Variants in PRMT8 observed in about 807,000 individuals in gnomAD.
PRMT8 encodes protein arginine N-methyltransferase 8.
In PRMT8, 7 loss-of-function variants were observed where a neutral mutation model predicts 47.1. The observed-to-expected ratio is 0.15, with a 90% CI of 0.08 to 0.28. PRMT8 has a LOEUF of 0.28. PRMT8 is among the 10% of genes least tolerant of loss of function. PRMT8 has a pLI of 1.00. For synonymous variants in PRMT8, 188 were observed against 186.5 expected (o/e 1.01, Z -0.07); for missense variants, 237 against 505.4 (o/e 0.47, Z 5.09).
upstream of PRMT8, among the ~76,000 whole-genome samples, chr12:3,490,477 G>A (rs1865368520): frequency 6.7e-6 from 1 of 150,284 alleles, no homozygotes; most frequent in Non-Finnish European, 1.5e-5. Context: ...AAAATCTGGC[G>A]ATGGTGGGGG....
rs71061115 is a variant in PRMT8, at chr12:3,451,033, A to ACCCCCCCCCC, written c.48+69604_48+69613dup. Among the ~76,000 whole-genome samples the ACCCCCCCCCC allele has an allele frequency of 1.5e-3, 38 of 26,122 alleles. 16 individuals are homozygous for ACCCCCCCCCC. The highest frequency in any genetic ancestry group is 1.6e-3 in the Non-Finnish European group (24 of 15,064). The allele number at this position is 26,122 out of a possible 152,430, so 17.1% of individuals were successfully genotyped here. ...TGAAAGCAGTTTTGATCTTGCTGAC[A>ACCCCCCCCCC]CCCCCCCCCCCCCCCCCCCCCCGCC... On this transcript the variant is annotated intron_variant, in intron 1 of 9. Coordinates refer to the PRMT8 transcript ENST00000452611.
chr12:3,447,413 T>C (rs1026328073), intron 1 of PRMT8, among the ~76,000 whole-genome samples: 2 of 152,196 alleles, frequency 1.3e-5, no homozygotes, highest in African/African-American at 2.4e-5. Flanking sequence ...TTTCCTGTCT[T>C]CTTCAAATAC....
chr12:3,574,646 T>A (rs1866906917), intron 6 of PRMT8, among the ~76,000 whole-genome samples: 1 of 152,266 alleles, frequency 6.6e-6, no homozygotes, highest in South Asian at 2.1e-4. Flanking sequence ...TCACATTTAA[T>A]CCTCATAGCA....
Position 3,494,082 on chromosome 12 carries a change from G to C in PRMT8, c.75+2382G>C, listed in dbSNP as rs1431310662. On this transcript the variant is annotated intron_variant, in intron 1 of 9. Transcript: ENST00000382622. The stretch of plus-strand genomic sequence containing the variant: ...GTGTTGTGGACTTGCCTGCATTTAT[G>C]GTAGATGAGAGCGGCAGGAGCACGC... Among the ~76,000 whole-genome samples, 3 of 152,188 alleles carry C rather than the reference G, an allele frequency of 2.0e-5. No individual in the cohort carries two copies. In the East Asian group the frequency reaches 5.8e-4, roughly 29 times the overall value.
chr12:3,490,853 C>A (rs1457373060), upstream of PRMT8, among the ~76,000 whole-genome samples: 6 of 137,172 alleles, frequency 4.4e-5, no homozygotes, highest in Admixed American at 4.3e-4. Flanking sequence ...GGCAGAGGAG[C>A]GGGAGAGCTG....
intron 1 of PRMT8, among the ~76,000 whole-genome samples, chr12:3,392,594 C>T (rs1424016647): frequency 6.6e-6 from 1 of 151,096 alleles, no homozygotes; most frequent in Non-Finnish European, 1.5e-5. Context: ...GCCACATTTT[C>T]TTAATCCAGT....
At position 3,558,960 on chromosome 12, in the gene PRMT8, A is replaced by AT. The variant is rs1262340978; in HGVS notation, c.481+5246_481+5247insT. On this transcript the variant is annotated intron_variant, in intron 4 of 9. Transcript: ENST00000382622. ...CTAACATTTATCTGTCTATCTATCT[A>AT]CCTATCTATCTATCTATCTATCTAT... Among the ~76,000 whole-genome samples, 77 of 139,650 alleles carry AT rather than the reference A, an allele frequency of 5.5e-4. 1 individual carries two copies. Among genetic ancestry groups the AT allele is most frequent in the South Asian group, 2.3e-3 (10 of 4,306 alleles). The allele number at this position is 139,650 out of a possible 152,430, so 91.6% of individuals were successfully genotyped here.
intron 8 of PRMT8, among the ~76,000 whole-genome samples, chr12:3,590,506 A>G (rs1369633027): frequency 6.6e-6 from 1 of 152,052 alleles, no homozygotes; most frequent in African/African-American, 2.4e-5. Flanking sequence ...ATGCCTAGTG[A>G]CTAGCCTTTG....
chr12:3,478,304 CTAT>C (rs756998417), intron 1 of PRMT8, among the ~76,000 whole-genome samples: 5,959 of 148,516 alleles, frequency 0.04, 142 homozygotes, highest in Admixed American at 0.053. Context: ...ATCTATCTAT[CTAT>C]CTACCTACCT....
chr12:3,545,682 C>T (rs550562946), intron 2 of PRMT8, among the ~76,000 whole-genome samples: 131 of 152,238 alleles, frequency 8.6e-4, no homozygotes, highest in Non-Finnish European at 1.1e-3. Flanking sequence ...AGCCTCCCAA[C>T]GTGGTACCCA....
chr12:3,490,550 G>GC (rs964263319), upstream of PRMT8, among the ~76,000 whole-genome samples: 23 of 150,434 alleles, frequency 1.5e-4, no homozygotes, highest in African/African-American at 4.9e-4. Context: ...CTGGAGTGGG[G>GC]GGGGGGGCAC....
chr12:3,386,922 C>T (rs150737601), intron 1 of PRMT8, among the ~76,000 whole-genome samples: 1 of 151,752 alleles, frequency 6.6e-6, no homozygotes, highest in African/African-American at 2.4e-5. Flanking sequence ...GTTGGTCAGG[C>T]TGGTCTCGAA....
At chr12:3,385,583 T>TAAC (rs1864130737) in intron 1 of PRMT8, among the ~76,000 whole-genome samples, 2 of 151,996 alleles carry the variant, frequency 1.3e-5, no homozygotes, top group African/African-American at 4.8e-5. Flanking sequence ...GATCAACACT[T>TAAC]TATTAGGCTA....
intron 6 of PRMT8, among the ~76,000 whole-genome samples, chr12:3,571,923 G>T (rs1431329623): frequency 2.0e-5 from 3 of 152,140 alleles, no homozygotes; most frequent in Admixed American, 2.0e-4. Context: ...TTTTCTATTG[G>T]CTCAAGAACC....
At chr12:3,439,430 C>T (rs948842696) in intron 1 of PRMT8, among the ~76,000 whole-genome samples, 2 of 152,152 alleles carry the variant, frequency 1.3e-5, no homozygotes, top group African/African-American at 4.8e-5. Flanking sequence ...ACTGAGACAC[C>T]TGGCTCTATT....
chr12:3,549,428 G>T (rs1284890622), intron 2 of PRMT8, among the ~76,000 whole-genome samples: 1 of 151,832 alleles, frequency 6.6e-6, no homozygotes, highest in Non-Finnish European at 1.5e-5. Flanking sequence ...AGAGTCCACT[G>T]TAACAAGTAA....
intron 1 of PRMT8, among the ~76,000 whole-genome samples, chr12:3,429,556 A>C (rs185749160): frequency 1.0e-3 from 157 of 152,336 alleles, no homozygotes; most frequent in African/African-American, 3.5e-3. Flanking sequence ...AGTATCAAGA[A>C]ATCCAAGCCA....
chr12:3,496,215 T>TATATATATATATATATATATA (rs1555085719), intron 1 of PRMT8, among the ~76,000 whole-genome samples: 89 of 24,122 alleles, frequency 3.7e-3, no homozygotes, highest in Non-Finnish European at 4.2e-3. Context: ...TATATATATA[T>TATATATATATATATATATATA]TTTTTTTTTT....
chr12:3,592,428 G>A, intron 9 of PRMT8, 76 bp downstream of exon 9: 1 of 1,501,950 alleles, frequency 6.7e-7, no homozygotes, highest in Non-Finnish European at 8.9e-7. Context: ...CACTTGCCCG[G>A]GTTCTTAAGT....
Sources: allele counts gnomAD v4.1 joint callset (sites outside exome capture counted in the v4.1 genomes callset), GRCh38; gene constraint gnomAD v4.1.1; transcripts MANE v1.5; gene names NCBI Gene and HGNC (gene_info 2026-07-23, HGNC 2026-07-21).